Variants in REC114 observed in about 807,000 individuals in gnomAD.
REC114 encodes the protein REC114 meiotic recombination protein, also known as meiotic recombination protein REC114.
A neutral mutation model predicts 31.3 loss-of-function variants in REC114; 27 were observed. The observed-to-expected ratio is 0.86, with a 90% CI of 0.64 to 1.19. REC114 has a LOEUF of 1.19. REC114 is among the 50% of genes most tolerant of loss of function. The probability of loss-of-function intolerance (pLI) is 0.00; values close to 1 mark genes in which losing one functional copy is unlikely to be tolerated. For synonymous variants in REC114, 134 were observed against 127.7 expected (o/e 1.05, Z -0.33); for missense variants, 344 against 326.9 (o/e 1.05, Z -0.40).
chr15:73,559,271 G>A (rs962872422), intron 5 of REC114, among the ~76,000 whole-genome samples: 3 of 152,206 alleles, frequency 2.0e-5, no homozygotes, highest in Non-Finnish European at 2.9e-5. Flanking sequence ...AAAAAGATGC[G>A]TGTGAACTAA....
intron 1 of REC114, among the ~76,000 whole-genome samples, chr15:73,469,528 C>T (rs979856591): frequency 6.6e-6 from 1 of 152,068 alleles, no homozygotes; most frequent in Non-Finnish European, 1.5e-5. Flanking sequence ...CTCCTGAGCT[C>T]AAGTGATCCT....
At chr15:73,526,070 A>G (rs769035078) in intron 2 of REC114, among the ~76,000 whole-genome samples, 2 of 152,212 alleles carry the variant, frequency 1.3e-5, no homozygotes, top group Non-Finnish European at 2.9e-5. Flanking sequence ...ACCCTTTATC[A>G]TAATGAGATG....
chr15:73,509,202 T>C (rs1893727618), intron 2 of REC114, among the ~76,000 whole-genome samples: 1 of 152,062 alleles, frequency 6.6e-6, no homozygotes, highest in Admixed American at 6.5e-5. Flanking sequence ...CCAGTGATGA[T>C]GAGCATTTTT....
intron 4 of REC114, 62 bp downstream of exon 4, chr15:73,551,212 C>A: frequency 7.0e-7 from 1 of 1,425,564 alleles, no homozygotes. Flanking sequence ...AATGAGTGGC[C>A]AAAATGACAG....
At chr15:73,492,207 A>G (rs80046034) in intron 2 of REC114, among the ~76,000 whole-genome samples, 391 of 152,254 alleles carry the variant, frequency 2.6e-3, no homozygotes, top group African/African-American at 9.1e-3. Context: ...CCACCATCTG[A>G]CTTCTAATAG....
chr15:73,447,564 C>G (rs1043626397), intron 1 of REC114, among the ~76,000 whole-genome samples: 8 of 151,912 alleles, frequency 5.3e-5, no homozygotes, highest in African/African-American at 1.9e-4. Context: ...AGGAGAATCC[C>G]TTGAGCCTAG....
intron 4 of REC114, among the ~76,000 whole-genome samples, chr15:73,552,002 AAGAC>A (rs1894399763): frequency 6.6e-6 from 1 of 152,220 alleles, no homozygotes; most frequent in Non-Finnish European, 1.5e-5. Flanking sequence ...CAATATTTGA[AAGAC>A]AGTATATTCA....
At chr15:73,550,909 C>T (rs1323607570) in intron 3 of REC114, 29 bp from the exon 4 acceptor site, 2 of 1,606,992 alleles carry the variant, frequency 1.2e-6, no homozygotes, top group Non-Finnish European at 1.7e-6. Context: ...ATGAGGGTCT[C>T]TCATGATAAC....
chr15:73,444,798 C>T, intron 1 of REC114, among the ~76,000 whole-genome samples: 1 of 152,176 alleles, frequency 6.6e-6, no homozygotes, highest in East Asian at 1.9e-4. Context: ...TCTACAGAAG[C>T]TATAGCCTTA....
intron 2 of REC114, among the ~76,000 whole-genome samples, chr15:73,497,434 A>G (rs924003456): frequency 6.6e-6 from 1 of 152,174 alleles, no homozygotes; most frequent in Non-Finnish European, 1.5e-5. Flanking sequence ...ATCCATCACT[A>G]TCATTATCTA....
At chr15:73,482,396 G>A (rs563836177) in intron 2 of REC114, among the ~76,000 whole-genome samples, 1 of 152,304 alleles carries the variant, frequency 6.6e-6, no homozygotes, top group East Asian at 1.9e-4. Flanking sequence ...CATGCGACAT[G>A]CCTCTTCCCC....
chr15:73,461,922 CTTTTTTTTTTTTTTTTTTT>C (rs961387922), intron 1 of REC114, among the ~76,000 whole-genome samples: 1 of 78,212 alleles, frequency 1.3e-5, no homozygotes. Flanking sequence ...TTTTTCTTTT[CTTTTTTTTTTTTTTTTTTT>C]TTTTTTTAAA....
chr15:73,521,312 T>G (rs1340790014), intron 2 of REC114, among the ~76,000 whole-genome samples: 1 of 152,194 alleles, frequency 6.6e-6, no homozygotes, highest in East Asian at 1.9e-4. Context: ...TATTTTCAAG[T>G]ACACATAGTA....
intron 1 of REC114, among the ~76,000 whole-genome samples, chr15:73,468,611 G>T (rs1301310434): frequency 6.6e-6 from 1 of 151,406 alleles, no homozygotes; most frequent in Non-Finnish European, 1.5e-5. Context: ...AATAGAAGTG[G>T]TGAAAGTGGA....
intron 2 of REC114, among the ~76,000 whole-genome samples, chr15:73,531,000 A>G (rs1054369179): frequency 6.6e-6 from 1 of 152,184 alleles, no homozygotes; most frequent in African/African-American, 2.4e-5. Context: ...CCTCTGAATC[A>G]GGGTTTTAAC....
chr15:73,531,566 G>A (rs565629433), intron 2 of REC114, among the ~76,000 whole-genome samples: 1 of 152,282 alleles, frequency 6.6e-6, no homozygotes, highest in South Asian at 2.1e-4. Context: ...TGCCAGAACT[G>A]GGCAAATTAA....
rs1320266790 is a variant in REC114, at chr15:73,502,815, A to G, written c.249+28894A>G. Reference sequence around the variant, plus strand: ...TATTTGAAAATTTTATGTTGATTTTATGGAACCTGGCACATTCTTTAGAAT... The same window carrying G: ...TATTTGAAAATTTTATGTTGATTTTGTGGAACCTGGCACATTCTTTAGAAT... On this transcript the variant is annotated intron_variant, in intron 2 of 5. Coordinates refer to ENST00000331090, the MANE Select transcript of REC114 (RefSeq NM_001042367.2). 2.6e-5 allele frequency among the ~76,000 whole-genome samples: 4 copies of G among 152,214 alleles called. No homozygotes were observed. In the East Asian group the frequency reaches 5.8e-4, roughly 22 times the overall value.
At chr15:73,516,170 G>A (rs1241056938) in intron 2 of REC114, among the ~76,000 whole-genome samples, 2 of 151,974 alleles carry the variant, frequency 1.3e-5, no homozygotes, top group Non-Finnish European at 2.9e-5. Flanking sequence ...ATTTTTAGTA[G>A]AGACAGGGTT....
intron 2 of REC114, among the ~76,000 whole-genome samples, chr15:73,485,402 G>A (rs1343359792): frequency 1.3e-5 from 2 of 152,112 alleles, no homozygotes; most frequent in African/African-American, 2.4e-5. Flanking sequence ...ATCAGAACCT[G>A]TCTATTCTTT....
Sources: allele counts gnomAD v4.1 joint callset (sites outside exome capture counted in the v4.1 genomes callset), GRCh38; gene constraint gnomAD v4.1.1; transcripts MANE v1.5; gene names NCBI Gene and HGNC (gene_info 2026-07-23, HGNC 2026-07-21).